Variants in ATP7B observed in about 807,000 individuals in gnomAD.
The protein encoded by ATP7B is copper-transporting ATPase 2.
ATP7B carries 113 observed loss-of-function variants against 118.9 expected under a neutral mutation model. That is an observed-to-expected ratio of 0.95 (90% CI 0.82 to 1.11). The LOEUF is 1.11. Ranked by LOEUF, ATP7B falls within the 50% of genes most tolerant of loss-of-function variation. ATP7B has a pLI of 0.00. For synonymous variants in ATP7B, 777 were observed against 727.4 expected (o/e 1.07, Z -1.10); for missense variants, 1,867 against 1,871.4 (o/e 1.00, Z 0.04).
intron 1 of ATP7B, among the ~76,000 whole-genome samples, chr13:52,009,950 C>T (rs1953944816): frequency 6.6e-6 from 1 of 152,108 alleles, no homozygotes; most frequent in East Asian, 1.9e-4. Flanking sequence ...AACACAATGC[C>T]CAGCACACAG....
chr13:51,968,791 T>C (rs1170812093), intron 3 of ATP7B, among the ~76,000 whole-genome samples, 184 bp from the exon 4 acceptor site: 1 of 152,100 alleles, frequency 6.6e-6, no homozygotes, highest in Non-Finnish European at 1.5e-5. Flanking sequence ...AATCACGATG[T>C]CTGGTCTCTT....
chr13:51,992,112 C>T (rs978089143), intron 1 of ATP7B, among the ~76,000 whole-genome samples: 2 of 149,444 alleles, frequency 1.3e-5, no homozygotes, highest in African/African-American at 5.0e-5. Context: ...AGAATGTACT[C>T]TGCATTGTGT....
At chr13:51,970,788 C>A (rs1011084576) in intron 2 of ATP7B, 39 bp from the exon 3 acceptor site, 7 of 1,605,296 alleles carry the variant, frequency 4.4e-6, no homozygotes, top group South Asian at 2.2e-5. Flanking sequence ...ATTAGAAGAG[C>A]AAATAATATG....
Position 51,949,778 on chromosome 13 carries a change from C to A in ATP7B, c.2749G>T (p.Ala917Ser). ...QMSKAPIQQL[A>S]DRFSGYFVPF... is the part of the protein sequence containing the mutation. ...ACAAAATATCCACTAAACCGGTCAG[C>A]CAGCTGCTGAATGGGTGCCTATGAA... The change falls in exon 12 of 21, where the codon GCT becomes TCT. Residue 917 changes from alanine to serine, a missense_variant. Ala to Ser is a moderately conservative substitution (Grantham distance 99, BLOSUM62 1). Transcript: ENST00000242839. 6.2e-7 allele frequency: 1 copy of A among 1,614,012 alleles called. No homozygotes were observed. Among genetic ancestry groups the A allele is most frequent in the Non-Finnish European group, 8.5e-7 (1 of 1,180,026 alleles).
In ATP7B at chr13:51,957,518, G is replaced by T; in HGVS notation, c.2445C>A (p.Ile815=). ...GACATTTGATAACCATAACTCACCT[G>T]ATGATTAAATTGTCCTCACCAAGGG... is the stretch of plus-strand genomic sequence containing the variant. The part of the protein sequence containing the change: ...VVTLGEDNLI[I]REEQVPMELV... The change falls in exon 9 of 21, where the codon ATC becomes ATA. Residue 815 remains isoleucine, a splice_region_variant and synonymous_variant. Coordinates refer to ENST00000242839, the MANE Select transcript of ATP7B (RefSeq NM_000053.4). The T allele has an allele frequency of 6.2e-7, 1 of 1,613,270 alleles. No individual in the cohort carries two copies. The highest frequency in any genetic ancestry group is 1.1e-5 in the South Asian group (1 of 91,052).
At chr13:51,962,038 T>A (rs1381457527) in intron 5 of ATP7B, 125 bp from the exon 6 acceptor site, 1 of 765,696 alleles carries the variant, frequency 1.3e-6, no homozygotes, top group Non-Finnish European at 2.2e-6. Flanking sequence ...TCAGTAGACT[T>A]TGTGGGTTTT....
Position 51,950,361 on chromosome 13 carries a change from T to C in ATP7B, c.2486A>G (p.Asp829Gly), listed in dbSNP as rs1566503575. The C allele has an allele frequency of 6.2e-7, 1 of 1,614,128 alleles. No individual in the cohort carries two copies. Among genetic ancestry groups the C allele is most frequent in the Non-Finnish European group, 8.5e-7 (1 of 1,180,016 alleles). Residue 829 changes from aspartate to glycine, a missense_variant, in exon 10 of 21, where the codon GAT becomes GGT. By Grantham distance (94) the Asp-to-Gly change is moderately conservative. Transcript: ENST00000242839. The stretch of plus-strand genomic sequence containing the variant: ...TCCCCCAGGGACCACCTTGACGATA[T>C]CGCCCCGCTGCACCAGCTCCATGGG... Reference protein sequence around the residue: ...QVPMELVQRGDIVKVVPGGKF... With the variant: ...QVPMELVQRGGIVKVVPGGKF...
rs1032519581 is a variant in ATP7B, at chr13:51,998,235, C to G, written c.51+13052G>C. Among the ~76,000 whole-genome samples the G allele has an allele frequency of 3.9e-5, 6 of 152,178 alleles. No individual in the cohort carries two copies. The South Asian group carries it at 6.2e-4, about 16-fold the overall frequency. On this transcript the variant is annotated intron_variant, in intron 1 of 20. Coordinates refer to ENST00000242839, the MANE Select transcript of ATP7B (RefSeq NM_000053.4). ...CTGGAGGACAAGTCTTCTCTGTCCA[C>G]CGAGGCTGCAGTCAGCTCAGTCCAC...
intron 1 of ATP7B, among the ~76,000 whole-genome samples, chr13:51,975,762 G>A (rs1221583876): frequency 1.3e-5 from 2 of 152,216 alleles, no homozygotes; most frequent in African/African-American, 2.4e-5. Context: ...CCATAGGGTC[G>A]GAATCCAAAG....
intron 2 of ATP7B, among the ~76,000 whole-genome samples, chr13:51,973,338 G>T (rs895320976): frequency 1.3e-5 from 2 of 152,216 alleles, no homozygotes; most frequent in Non-Finnish European, 2.9e-5. Context: ...GCCATGGTTT[G>T]ACTGTGTCCC....
chr13:51,998,720 C>A (rs752226757), intron 1 of ATP7B, among the ~76,000 whole-genome samples: 4 of 152,216 alleles, frequency 2.6e-5, no homozygotes, highest in African/African-American at 9.6e-5. Flanking sequence ...AAATAAATAT[C>A]TCTTTGGTGT....
intron 1 of ATP7B, chr13:51,975,616 C>A: frequency 2.0e-6 from 1 of 498,810 alleles, no homozygotes; most frequent in South Asian, 1.5e-5. Context: ...GGGGGTCCTG[C>A]TGAAATACAA....
At chr13:51,972,086 C>T (rs1304175440) in intron 2 of ATP7B, among the ~76,000 whole-genome samples, 1 of 152,190 alleles carries the variant, frequency 6.6e-6, no homozygotes, top group Non-Finnish European at 1.5e-5. Flanking sequence ...CACAGCTGCC[C>T]CTCACAACAT....
At chr13:51,964,692 ATTAT>A in intron 5 of ATP7B, 176 bp downstream of exon 5, 1 of 661,872 alleles carries the variant, frequency 1.5e-6, no homozygotes, top group Non-Finnish European at 2.5e-6. Flanking sequence ...CCTCCCTCAG[ATTAT>A]TTATTATTTA....
rs751904611 is a variant in ATP7B at position 51,973,965 on chromosome 13, C to T, written c.1255G>A (p.Asp419Asn). 6.2e-7 allele frequency: 1 copy of T among 1,614,126 alleles called. No individual in the cohort carries two copies. Among genetic ancestry groups the T allele is most frequent in the Non-Finnish European group, 8.5e-7 (1 of 1,180,050 alleles). ...ACGACTGAAGCCTCAAATCCCATGT[C>T]TTCTATAGCAGCTCTGAGTTCTTCT... The part of the protein sequence containing the change: ...SPEELRAAIE[D>N]MGFEASVVSE... The change falls in exon 2 of 21, where the codon GAC becomes AAC. Residue 419 changes from aspartate to asparagine, a missense_variant. Transcript: ENST00000242839.
chr13:51,934,221 GGA>G lies in ATP7B; in HGVS notation c.*533_*534del, dbSNP rs1199284080. 1 of 208,278 alleles carries G rather than the reference GGA, an allele frequency of 4.8e-6. No individual in the cohort carries two copies. The highest frequency in any genetic ancestry group is 9.9e-6 in the Non-Finnish European group (1 of 101,466). 12.9% of individuals were successfully genotyped at this position (208,278 alleles called of 1,614,324 possible). A position where few individuals can be genotyped will look rare whatever the true frequency, so the allele number is the denominator to read the frequency against. On this transcript the variant is annotated 3_prime_UTR_variant, in exon 21 of 21. Coordinates refer to ENST00000242839, the MANE Select transcript of ATP7B (RefSeq NM_000053.4). ...AGGGGTCCCCACTGACAAGCACACAGGAGAGAAAAGGAACAGACTATGTACGA... is the reference window on the plus strand; with the variant it reads ...AGGGGTCCCCACTGACAAGCACACAGGAGAAAAGGAACAGACTATGTACGA...
intron 1 of ATP7B, among the ~76,000 whole-genome samples, chr13:51,989,541 A>G (rs1303323628): frequency 6.6e-6 from 1 of 152,202 alleles, no homozygotes; most frequent in Non-Finnish European, 1.5e-5. Context: ...TAAAAAAAAA[A>G]AAGTGAGTAA....
rs2277447 is a variant in ATP7B at position 51,960,240 on chromosome 13, C to T, written c.2029G>A (p.Glu677Lys). 50 of 1,613,912 alleles carry T rather than the reference C, an allele frequency of 3.1e-5. 1 individual carries two copies. In the East Asian group the frequency reaches 3.3e-4, roughly 11 times the overall value. The change falls in exon 7 of 21, where the codon GAG becomes AAG. Residue 677 changes from glutamate to lysine, a missense_variant. Coordinates refer to ENST00000242839, the MANE Select transcript of ATP7B (RefSeq NM_000053.4). ...LMIYMLIPSN[E>K]PHQSMVLDHN... ...TCCAGGACCATGGACTGGTGGGGCT[C>T]GTTGCTGGGTATCAGCATATAGATC...
chr13:51,968,680 G>T (rs930050942), intron 3 of ATP7B, 73 bp from the exon 4 acceptor site: 2 of 1,546,478 alleles, frequency 1.3e-6, no homozygotes, highest in African/African-American at 1.4e-5. Flanking sequence ...CAATATAACC[G>T]AACAAAGAAA....
Sources: gnomAD v4.1 joint callset for allele counts (sites outside exome capture counted in the v4.1 genomes callset) on GRCh38, gnomAD v4.1.1 for gene constraint, MANE v1.5 for transcripts, NCBI Gene and HGNC (gene_info 2026-07-23, HGNC 2026-07-21) for gene names.